FAM81A: variants seen among roughly 807,000 people sequenced by gnomAD.
The protein encoded by FAM81A is protein FAM81A.
A neutral mutation model predicts 46.7 loss-of-function variants in FAM81A; 19 were observed. That is an observed-to-expected ratio of 0.41 (90% CI 0.28 to 0.60). The LOEUF is 0.60. Ranked by LOEUF, FAM81A falls within the 20% of genes least tolerant of loss-of-function variation. FAM81A has a pLI of 0.34. For missense variants in FAM81A, 377 were observed against 453.5 expected (o/e 0.83, Z 1.53); for synonymous variants, 183 against 152.9 (o/e 1.20, Z -1.45).
At chr15:59,511,700 G>A (rs2082210185) in intron 6 of FAM81A, among the ~76,000 whole-genome samples, 1 of 152,166 alleles carries the variant, frequency 6.6e-6, no homozygotes, top group South Asian at 2.1e-4. Context: ...CGCCAGGCTG[G>A]AGCGCAGTGT....
chr15:59,401,778 T>TC, intron 1 of FAM81A: 2 of 740,960 alleles, frequency 2.7e-6, no homozygotes, highest in Non-Finnish European at 2.5e-6. Context: ...GCATTTTTTT[T>TC]TTTTTTTGGT....
At chr15:59,478,484 G>A (rs1393756486) in intron 3 of FAM81A, among the ~76,000 whole-genome samples, 1 of 152,202 alleles carries the variant, frequency 6.6e-6, no homozygotes, top group Non-Finnish European at 1.5e-5. Context: ...CTAACATACA[G>A]GACCTTGGTT....
intron 1 of FAM81A, among the ~76,000 whole-genome samples, chr15:59,448,444 G>T (rs1333461380): frequency 1.3e-5 from 2 of 152,120 alleles, no homozygotes; most frequent in Non-Finnish European, 2.9e-5. Flanking sequence ...AAACTGTGGT[G>T]CCTTGGAGCA....
rs2081531656 is a variant in FAM81A at position 59,459,986 on chromosome 15, C to T, written c.74C>T (p.Ser25Leu). The T allele has an allele frequency of 1.9e-6, 3 of 1,612,502 alleles. No individual in the cohort carries two copies. Among genetic ancestry groups the T allele is most frequent in the Non-Finnish European group, 2.5e-6 (3 of 1,179,208 alleles). Residue 25 changes from serine (S) to leucine (L), a missense_variant, in exon 3 of 9, where the codon TCA (serine) becomes TTA (leucine). Ser to Leu is a moderately radical substitution (Grantham distance 145). Coordinates refer to ENST00000288228, the MANE Select transcript of FAM81A (RefSeq NM_152450.3). Reference sequence around the variant, plus strand: ...CAGTCCCTGACCATGGCACCATACTCATCTGTAAGCCTCGTGGAGCAGCTG... The same window carrying T: ...CAGTCCCTGACCATGGCACCATACTTATCTGTAAGCCTCGTGGAGCAGCTG... Reference protein sequence around the residue: ...HSQSLTMAPYSSVSLVEQLED... With the variant: ...HSQSLTMAPYLSVSLVEQLED...
chr15:59,425,388 T>C (rs917624430), intron 2 of FAM81A, among the ~76,000 whole-genome samples: 4 of 152,224 alleles, frequency 2.6e-5, no homozygotes, highest in East Asian at 1.9e-4. Flanking sequence ...TTACCATTCA[T>C]GTAATATGTG....
At chr15:59,438,137 A>C (rs1349679450), upstream of FAM81A, 2 of 145,836 alleles carry the variant, frequency 1.4e-5, no homozygotes, top group East Asian at 3.9e-4. Flanking sequence ...GCGCCGGGCC[A>C]GGCGGCAGGC....
chr15:59,494,448 G>C (rs1353681553), intron 4 of FAM81A, among the ~76,000 whole-genome samples: 1 of 152,178 alleles, frequency 6.6e-6, no homozygotes, highest in Non-Finnish European at 1.5e-5. Context: ...AAGAGCAGTG[G>C]CATTGTCCTT....
intron 1 of FAM81A, among the ~76,000 whole-genome samples, chr15:59,446,121 C>T (rs1190139699): frequency 1.3e-5 from 2 of 152,202 alleles, no homozygotes; most frequent in Admixed American, 6.5e-5. Flanking sequence ...CGTGAAGAGG[C>T]GTCGTGTTAG....
intron 3 of FAM81A, among the ~76,000 whole-genome samples, chr15:59,472,072 A>G (rs1375102115): frequency 6.6e-6 from 1 of 152,164 alleles, no homozygotes; most frequent in East Asian, 1.9e-4. Context: ...ATTGAATACA[A>G]ACTGGGATGG....
chr15:59,474,116 A>C (rs1219390142), intron 3 of FAM81A, among the ~76,000 whole-genome samples: 2 of 152,142 alleles, frequency 1.3e-5, no homozygotes, highest in African/African-American at 4.8e-5. Flanking sequence ...CTGGACACTG[A>C]ACTCGTGCCA....
chr15:59,418,982 A>G (rs1341607399), intron 2 of FAM81A, among the ~76,000 whole-genome samples: 1 of 152,224 alleles, frequency 6.6e-6, no homozygotes, highest in Non-Finnish European at 1.5e-5. Flanking sequence ...GGCTGTAGAA[A>G]AAAAATGTCT....
At chr15:59,469,974 A>C (rs1405822014) in intron 3 of FAM81A, among the ~76,000 whole-genome samples, 2 of 151,508 alleles carry the variant, frequency 1.3e-5, no homozygotes. Flanking sequence ...TTCCCTTATG[A>C]AGCTGGATAT....
chr15:59,516,646 G>C lies in FAM81A; in HGVS notation c.788G>C (p.Gly263Ala), dbSNP rs1031507359. 4 of 1,609,372 alleles carry C rather than the reference G, an allele frequency of 2.5e-6. No homozygotes were observed. Among genetic ancestry groups the C allele is most frequent in the Admixed American group, 1.7e-5 (1 of 58,160 alleles). The change falls in exon 8 of 9, where the codon GGA (glycine) becomes GCA (alanine). Residue 263 changes from glycine to alanine, a missense_variant and splice_region_variant. Transcript: ENST00000288228. Reference sequence around the variant, plus strand: ...TGCAGTTCTTATCATGGATCTCAGGGAGCCAGTGAAAGGGATATGGAGAAG... The same window carrying C: ...TGCAGTTCTTATCATGGATCTCAGGCAGCCAGTGAAAGGGATATGGAGAAG... ...QLSLIVKENSGASERDMEKKL... is the reference protein window; with the variant it reads ...QLSLIVKENSAASERDMEKKL...
Position 59,515,650 on chromosome 15 carries a change from T to A in FAM81A, c.787-995T>A, listed in dbSNP as rs1046919495. Among the ~76,000 whole-genome samples the A allele has an allele frequency of 4.6e-5, 7 of 152,274 alleles. No homozygotes were observed. In the South Asian group the frequency reaches 6.2e-4, roughly 14 times the overall value. ...ATTTTCATATATGATTTTATATATATTTAAAATATTAAATATGTTCTTTTA... is the reference window on the plus strand; with the variant it reads ...ATTTTCATATATGATTTTATATATAATTAAAATATTAAATATGTTCTTTTA... On this transcript the variant is annotated intron_variant, in intron 7 of 8. Transcript: ENST00000288228.
rs905085691 is a variant in FAM81A at position 59,449,582 on chromosome 15, C to T, written c.-77-8968C>T. 4.6e-5 allele frequency among the ~76,000 whole-genome samples: 7 copies of T among 151,982 alleles called. No homozygotes were observed. The East Asian group carries it at 1.2e-3, about 25-fold the overall frequency. On this transcript the variant is annotated intron_variant, in intron 1 of 8. Coordinates refer to ENST00000288228, the MANE Select transcript of FAM81A (RefSeq NM_152450.3). ...GGATCACGAGGTCAGGAGATCGAGA[C>T]CATCCTGGCTAACACAGTGAAACCC...
intron 4 of FAM81A, among the ~76,000 whole-genome samples, chr15:59,501,633 G>A (rs776760942): frequency 1.3e-4 from 20 of 152,180 alleles, no homozygotes; most frequent in Non-Finnish European, 2.1e-4. Flanking sequence ...ATACCCTTTA[G>A]ACGTTTGGGA....
chr15:59,454,646 G>A (rs1051838652), intron 1 of FAM81A, among the ~76,000 whole-genome samples: 4 of 151,540 alleles, frequency 2.6e-5, no homozygotes, highest in Non-Finnish European at 1.5e-5. Context: ...CTTTTTTTGA[G>A]ACAGGGTCTT....
At chr15:59,520,394 T>C (rs1018469332) in intron 8 of FAM81A, among the ~76,000 whole-genome samples, 1 of 152,160 alleles carries the variant, frequency 6.6e-6, no homozygotes, top group Non-Finnish European at 1.5e-5. Flanking sequence ...TAATTAGTGA[T>C]GTTGGCCCTT....
intron 1 of FAM81A, among the ~76,000 whole-genome samples, chr15:59,399,903 A>G (rs1270636457): frequency 6.6e-6 from 1 of 152,134 alleles, no homozygotes; most frequent in African/African-American, 2.4e-5. Flanking sequence ...ATTTTTCAGA[A>G]CACATTTGAG....
Sources: allele counts gnomAD v4.1 joint callset (sites outside exome capture counted in the v4.1 genomes callset), GRCh38; gene constraint gnomAD v4.1.1; transcripts MANE v1.5; gene names NCBI Gene and HGNC (gene_info 2026-07-23, HGNC 2026-07-21).